CCDC175: variants seen among roughly 807,000 people sequenced by gnomAD.
The protein encoded by CCDC175 is coiled-coil domain containing 175, also known as coiled-coil domain-containing protein 175.
A neutral mutation model predicts 114.6 loss-of-function variants in CCDC175; 100 were observed. That is an observed-to-expected ratio of 0.87 (90% CI 0.74 to 1.03). The LOEUF (loss-of-function observed/expected upper bound fraction) is 1.03, where lower values mean the gene tolerates loss of function less well. Among genes scored for constraint, CCDC175 ranks in the 50% least tolerant of loss-of-function variants. The pLI, the probability that CCDC175 is intolerant of heterozygous loss-of-function variation, is 0.00. For synonymous variants in CCDC175, 306 were observed against 308.7 expected (o/e 0.99, Z 0.09); for missense variants, 880 against 917.8 (o/e 0.96, Z 0.53).
chr14:59,555,651 A>G (rs1895845748), intron 7 of CCDC175, among the ~76,000 whole-genome samples: 1 of 152,178 alleles, frequency 6.6e-6, no homozygotes, highest in African/African-American at 2.4e-5. Flanking sequence ...AGGGTATTCA[A>G]TTAGGAAAAG....
At chr14:59,567,329 G>A (rs1275124108) in intron 4 of CCDC175, among the ~76,000 whole-genome samples, 1 of 152,144 alleles carries the variant, frequency 6.6e-6, no homozygotes, top group Non-Finnish European at 1.5e-5. Flanking sequence ...CCCAGCACAG[G>A]TGTTCTGAGA....
At chr14:59,527,734 ACAAC>A (rs1196336860) in intron 14 of CCDC175, among the ~76,000 whole-genome samples, 18 of 152,176 alleles carry the variant, frequency 1.2e-4, no homozygotes, top group Non-Finnish European at 1.2e-4. Flanking sequence ...ACAGAACTGT[ACAAC>A]CTTTCAAATT....
At chr14:59,525,738 A>T (rs1893700212) in intron 15 of CCDC175, among the ~76,000 whole-genome samples, 1 of 152,230 alleles carries the variant, frequency 6.6e-6, no homozygotes, top group Non-Finnish European at 1.5e-5. Flanking sequence ...ACATGAATAG[A>T]ATACATTCAC....
At chr14:59,537,112 A>G (rs1345282587) in intron 13 of CCDC175, among the ~76,000 whole-genome samples, 2 of 151,874 alleles carry the variant, frequency 1.3e-5, no homozygotes, top group African/African-American at 4.8e-5. Flanking sequence ...CCATGCCACC[A>G]TTTTTTCTGA....
At chr14:59,555,900 A>G (rs1226838979) in intron 7 of CCDC175, among the ~76,000 whole-genome samples, 1 of 152,214 alleles carries the variant, frequency 6.6e-6, no homozygotes, top group Non-Finnish European at 1.5e-5. Context: ...TAGGAATCCA[A>G]CTTACAAGGG....
chr14:59,551,564 C>T, intron 7 of CCDC175, 128 bp from the exon 8 acceptor site: 1 of 499,842 alleles, frequency 2.0e-6, no homozygotes. Context: ...TGGGTGATTT[C>T]TGCATTTCCA....
intron 7 of CCDC175, among the ~76,000 whole-genome samples, chr14:59,559,867 A>T (rs1896129474): frequency 6.6e-6 from 1 of 151,944 alleles, no homozygotes; most frequent in Non-Finnish European, 1.5e-5. Flanking sequence ...AGATAATGAT[A>T]AATCATTACA....
At chr14:59,573,617 TG>T (rs10716527) in intron 2 of CCDC175, among the ~76,000 whole-genome samples, 42,997 of 113,280 alleles carry the variant, frequency 0.38, 6,110 homozygotes, top group South Asian at 0.52. Flanking sequence ...TTTGTTTTTT[TG>T]TTTTTTTTTT....
chr14:59,564,299 CACAG>C, intron 5 of CCDC175: 1 of 152,956 alleles, frequency 6.5e-6, no homozygotes. Flanking sequence ...ACCAGCTAAA[CACAG>C]AGTAAACAAA....
intron 19 of CCDC175, chr14:59,510,420 G>T: frequency 2.4e-6 from 1 of 414,194 alleles, no homozygotes; most frequent in Non-Finnish European, 4.3e-6. Flanking sequence ...AAATTATAAA[G>T]AAGATTTAGT....
intron 19 of CCDC175, among the ~76,000 whole-genome samples, chr14:59,505,873 C>A (rs1464694922): frequency 6.6e-6 from 1 of 152,064 alleles, no homozygotes; most frequent in Non-Finnish European, 1.5e-5. Flanking sequence ...ATCTCATATT[C>A]AAAAATGCTT....
chr14:59,517,848 A>G (rs1413063690), intron 17 of CCDC175, among the ~76,000 whole-genome samples: 1 of 152,200 alleles, frequency 6.6e-6, no homozygotes, highest in Non-Finnish European at 1.5e-5. Context: ...ACCAAAAAAG[A>G]GCCCGCATCG....
chr14:59,554,633 A>T (rs927029417), intron 7 of CCDC175, among the ~76,000 whole-genome samples: 2 of 152,188 alleles, frequency 1.3e-5, no homozygotes, highest in Non-Finnish European at 2.9e-5. Context: ...AACTGAAGGA[A>T]ATAGAGACAT....
intron 3 of CCDC175, among the ~76,000 whole-genome samples, chr14:59,569,544 A>T (rs957053497): frequency 6.6e-6 from 1 of 152,234 alleles, no homozygotes; most frequent in African/African-American, 2.4e-5. Context: ...CTTCTAAAAT[A>T]TGTTTTTCTG....
chr14:59,525,359 T>C lies in CCDC175; in HGVS notation c.1918A>G (p.Lys640Glu). Residue 640 changes from lysine (K) to glutamate (E), a missense_variant, in exon 16 of 20, where the codon AAG (lysine) becomes GAG (glutamate). Transcript: ENST00000537690. ...KKNKDHFETL[K>E]NLENGFYIND... ...ATATAGAATCCATTTTCTAAGTTCT[T>C]TAGAGTTTCAAAATGATCTTTGTTT... The C allele has an allele frequency of 6.6e-7, 1 of 1,518,056 alleles. No homozygotes were observed. The highest frequency in any genetic ancestry group is 1.2e-5 in the South Asian group (1 of 80,878). The allele number at this position is 1,518,056 out of a possible 1,614,324, so 94.0% of individuals were successfully genotyped here.
intron 14 of CCDC175, among the ~76,000 whole-genome samples, chr14:59,531,147 A>G (rs1025697411): frequency 6.6e-6 from 1 of 152,066 alleles, no homozygotes; most frequent in Non-Finnish European, 1.5e-5. Context: ...GATTCTGGAT[A>G]TATAAACTTT....
At chr14:59,531,123 T>C (rs199785208) in intron 14 of CCDC175, among the ~76,000 whole-genome samples, 1 of 147,302 alleles carries the variant, frequency 6.8e-6, no homozygotes, top group African/African-American at 2.5e-5. Flanking sequence ...TGGTTTTGTT[T>C]AAAAAAAAAA....
rs887543470 is a variant in CCDC175, at chr14:59,527,085, G to T, written c.1842+10C>A. ...TAATAAAAAAAAGAATTAATGCATT[G>T]ATCTTTTACCATGTTGCTAATGTAT... On this transcript the variant is annotated intron_variant, in intron 15 of 19. Coordinates refer to ENST00000537690, the MANE Select transcript of CCDC175 (RefSeq NM_001164399.2). 5 of 1,344,532 alleles carry T rather than the reference G, an allele frequency of 3.7e-6. No individual in the cohort carries two copies. The South Asian group carries it at 7.4e-5, about 20-fold the overall frequency. 83.3% of individuals were successfully genotyped at this position (1,344,532 alleles called of 1,614,324 possible).
At chr14:59,558,736 G>C (rs964450924) in intron 7 of CCDC175, among the ~76,000 whole-genome samples, 1 of 152,124 alleles carries the variant, frequency 6.6e-6, no homozygotes, top group Non-Finnish European at 1.5e-5. Flanking sequence ...CAAGTGGAGA[G>C]GTCAAGTAAG....
Sources: allele counts gnomAD v4.1 joint callset (sites outside exome capture counted in the v4.1 genomes callset), GRCh38; gene constraint gnomAD v4.1.1; transcripts MANE v1.5; gene names NCBI Gene and HGNC (gene_info 2026-07-23, HGNC 2026-07-21).